The following LTBP1 variants were observed in gnomAD, a reference collection of about 807,000 sequenced individuals.
LTBP1 encodes the protein latent-transforming growth factor beta-binding protein 1.
LTBP1 carries 129 observed loss-of-function variants against 207.6 expected under a neutral mutation model. That is an observed-to-expected ratio of 0.62 (90% CI 0.54 to 0.72). The LOEUF (loss-of-function observed/expected upper bound fraction) is 0.72. Among genes scored for constraint, LTBP1 ranks in the 30% least tolerant of loss-of-function variants. The pLI is 0.00. For missense variants in LTBP1, 2,281 were observed against 2,217.2 expected, an observed-to-expected ratio of 1.03 and a Z score of -0.58; for synonymous variants, 963 against 833.7, an observed-to-expected ratio of 1.16 and a Z score of -2.67.
chr2:33,126,397 C>G (rs1388743970), intron 4 of LTBP1, among the ~76,000 whole-genome samples: 1 of 152,126 alleles, frequency 6.6e-6, no homozygotes, highest in East Asian at 1.9e-4. Context: ...CAAAAACCAG[C>G]CCATGTCCAA....
At chr2:33,164,524 T>G (rs560765443) in intron 5 of LTBP1, among the ~76,000 whole-genome samples, 18 of 152,224 alleles carry the variant, frequency 1.2e-4, no homozygotes, top group African/African-American at 3.9e-4. Flanking sequence ...TGCTTATTTA[T>G]AGTATTTTAG....
chr2:32,958,111 A>G (rs946522598), intron 2 of LTBP1, among the ~76,000 whole-genome samples: 2 of 152,194 alleles, frequency 1.3e-5, no homozygotes, highest in Non-Finnish European at 2.9e-5. Context: ...TTGGAATTAG[A>G]ATACGGAGCT....
intron 25 of LTBP1, among the ~76,000 whole-genome samples, chr2:33,346,641 C>A (rs556439752): frequency 3.1e-4 from 47 of 151,046 alleles, no homozygotes; most frequent in Admixed American, 1.9e-3. Context: ...GCTGAGATCA[C>A]GGCACTGCAC....
Position 33,331,126 on chromosome 2 carries a change from GT to G in LTBP1, c.3731-11709del, listed in dbSNP as rs1182752574. Among the ~76,000 whole-genome samples, 4 of 151,604 alleles carry G rather than the reference GT, an allele frequency of 2.6e-5. No homozygotes were observed. In the South Asian group the frequency reaches 8.3e-4, roughly 31 times the overall value. On this transcript the variant is annotated intron_variant, in intron 24 of 33. Coordinates refer to ENST00000404816, the MANE Select transcript of LTBP1 (RefSeq NM_206943.4). ...TAAAATTTCAGTAATTTGTGCTTAT[GT>G]TTCGCTCTTGATCAGTTTTCCTAGG...
chr2:32,980,802 A>G (rs948484731), intron 2 of LTBP1, among the ~76,000 whole-genome samples: 2 of 152,124 alleles, frequency 1.3e-5, no homozygotes, highest in African/African-American at 4.8e-5. Flanking sequence ...TTTCTGGGAA[A>G]GTCTTTATTT....
chr2:33,119,432 T>TA (rs2080972097), intron 4 of LTBP1, among the ~76,000 whole-genome samples: 1 of 152,194 alleles, frequency 6.6e-6, no homozygotes, highest in Non-Finnish European at 1.5e-5. Flanking sequence ...CCCAGGGACT[T>TA]AAAGTAGAAT....
intron 2 of LTBP1, among the ~76,000 whole-genome samples, chr2:32,963,748 C>G (rs1056170881): frequency 6.6e-6 from 1 of 152,112 alleles, no homozygotes; most frequent in African/African-American, 2.4e-5. Flanking sequence ...GGATGCGTAA[C>G]AAATGCAGGT....
At chr2:33,281,164 C>T (rs936638847) in intron 19 of LTBP1, among the ~76,000 whole-genome samples, 2 of 152,164 alleles carry the variant, frequency 1.3e-5, no homozygotes, top group South Asian at 4.1e-4. Context: ...TGACCCCTTC[C>T]TTTTGGTACT....
intron 3 of LTBP1, among the ~76,000 whole-genome samples, chr2:33,046,223 C>CTGAAGAG (rs1297973731): frequency 3.9e-5 from 6 of 152,018 alleles, no homozygotes; most frequent in Admixed American, 3.9e-4. Flanking sequence ...CAGTTTTTGC[C>CTGAAGAG]CATTCAGTAT....
At chr2:33,297,658 T>C (rs1408031594) in intron 20 of LTBP1, among the ~76,000 whole-genome samples, 1 of 152,066 alleles carries the variant, frequency 6.6e-6, no homozygotes, top group Non-Finnish European at 1.5e-5. Context: ...TCTCCTGACC[T>C]TGTGATCCGC....
chr2:33,346,468 G>T (rs185051675), intron 25 of LTBP1, among the ~76,000 whole-genome samples: 2,916 of 151,766 alleles, frequency 0.019, 44 homozygotes, highest in Middle Eastern at 0.065. Flanking sequence ...CGGATCACTT[G>T]AGGTCAGGAG....
chr2:33,331,393 A>G (rs1337900638), intron 24 of LTBP1, among the ~76,000 whole-genome samples: 3 of 152,044 alleles, frequency 2.0e-5, no homozygotes, highest in South Asian at 2.1e-4. Context: ...TCTGCTATCC[A>G]TAAGTTTTGA....
chr2:33,366,466 C>T (rs1261801659), intron 31 of LTBP1, among the ~76,000 whole-genome samples: 1 of 152,110 alleles, frequency 6.6e-6, no homozygotes, highest in African/African-American at 2.4e-5. Flanking sequence ...TTAAAACCAA[C>T]GTAGCATGAA....
At chr2:33,106,915 A>G (rs373651020) in intron 3 of LTBP1, among the ~76,000 whole-genome samples, 2 of 152,200 alleles carry the variant, frequency 1.3e-5, no homozygotes, top group African/African-American at 4.8e-5. Flanking sequence ...TAGGCTTTCA[A>G]TTGAGATAAC....
chr2:32,975,788 T>C (rs1228925570), intron 2 of LTBP1, among the ~76,000 whole-genome samples: 1 of 152,072 alleles, frequency 6.6e-6, no homozygotes, highest in East Asian at 1.9e-4. Flanking sequence ...CATTTTATCC[T>C]TTGGCTTCTG....
At chr2:32,973,349 T>C (rs1681209694) in intron 2 of LTBP1, among the ~76,000 whole-genome samples, 2 of 152,228 alleles carry the variant, frequency 1.3e-5, no homozygotes, top group East Asian at 3.8e-4. Flanking sequence ...ATACTTAGTA[T>C]AATTAAATTT....
At chr2:33,333,824 A>C (rs189412557) in intron 24 of LTBP1, among the ~76,000 whole-genome samples, 1 of 152,286 alleles carries the variant, frequency 6.6e-6, no homozygotes, top group African/African-American at 2.4e-5. Context: ...ACCGCATGTG[A>C]AGCCATCAGA....
At chr2:32,952,196 A>G (rs532589864) in intron 2 of LTBP1, among the ~76,000 whole-genome samples, 1 of 152,348 alleles carries the variant, frequency 6.6e-6, no homozygotes, top group East Asian at 1.9e-4. Flanking sequence ...CCTAATTTAA[A>G]TGGACCATGA....
chr2:33,132,481 C>T (rs1186942481), intron 4 of LTBP1, among the ~76,000 whole-genome samples: 2 of 152,172 alleles, frequency 1.3e-5, no homozygotes, highest in Non-Finnish European at 2.9e-5. Context: ...TCCAGCTAAG[C>T]GGGTCCACAG....
Sources: gnomAD v4.1 joint callset for allele counts (sites outside exome capture counted in the v4.1 genomes callset) on GRCh38, gnomAD v4.1.1 for gene constraint, MANE v1.5 for transcripts, NCBI Gene and HGNC (gene_info 2026-07-23, HGNC 2026-07-21) for gene names.